PTPRS: variants seen among roughly 807,000 people sequenced by gnomAD.
PTPRS encodes receptor-type tyrosine-protein phosphatase S.
Under a neutral mutation model 215.3 loss-of-function variants are expected in PTPRS, and 63 were observed. The ratio of observed to expected loss-of-function variants is 0.29; its 90% CI spans 0.24 to 0.36. PTPRS has a LOEUF of 0.36. Ranked by LOEUF, PTPRS falls within the 10% of genes least tolerant of loss-of-function variation. The pLI, the probability that PTPRS is intolerant of heterozygous loss-of-function variation, is 1.00. For synonymous variants in PTPRS, 1,404 were observed against 1,191.4 expected, an observed-to-expected ratio of 1.18 and a Z score of -3.68; for missense variants, 2,258 against 2,825.8, an observed-to-expected ratio of 0.80 and a Z score of 4.56.
intron 24 of PTPRS, 63 bp from the exon 25 acceptor site, chr19:5,218,595 T>A: frequency 6.4e-7 from 1 of 1,560,588 alleles, no homozygotes; most frequent in South Asian, 1.1e-5. Flanking sequence ...GTGAACACAA[T>A]TCAGGCCCCA....
intron 28 of PTPRS, among the ~76,000 whole-genome samples, 178 bp from the exon 29 acceptor site, chr19:5,214,914 C>G (rs150629724): frequency 2.0e-4 from 30 of 152,382 alleles, no homozygotes; most frequent in African/African-American, 7.0e-4. Flanking sequence ...GGGGCCAGAT[C>G]GCCCTCTGTG....
At position 5,260,769 on chromosome 19, in the gene PTPRS, G is replaced by A. The variant is rs747783260; in HGVS notation, c.595+36C>T. On this transcript the variant is annotated intron_variant, in intron 7 of 37. Transcript: ENST00000262963. ...GAGGGGCTGAGTGGGCAGCAAGAGC[G>A]AGCGTGAGTGGGTGGGTGAGTGAGG... The A allele has an allele frequency of 1.7e-5, 28 of 1,612,786 alleles. 1 individual carries two copies. The East Asian group carries it at 4.5e-4, about 26-fold the overall frequency.
intron 1 of PTPRS, among the ~76,000 whole-genome samples, chr19:5,313,735 C>T (rs2049782995): frequency 6.6e-6 from 1 of 152,086 alleles, no homozygotes; most frequent in African/African-American, 2.4e-5. Flanking sequence ...TTTCTCCTTC[C>T]TGCCTCAGCG....
At chr19:5,333,492 T>C (rs1342626831) in intron 1 of PTPRS, among the ~76,000 whole-genome samples, 2 of 132,214 alleles carry the variant, frequency 1.5e-5, no homozygotes, top group East Asian at 2.0e-4. Context: ...TGAGCAACAG[T>C]GTGAGTCCTG....
chr19:5,249,353 G>A (rs1051567393), intron 9 of PTPRS, among the ~76,000 whole-genome samples: 1 of 152,024 alleles, frequency 6.6e-6, no homozygotes, highest in African/African-American at 2.4e-5. Context: ...CAAACGAAAT[G>A]GAAACAGTAA....
chr19:5,280,244 G>T (rs1274540028), intron 2 of PTPRS, among the ~76,000 whole-genome samples: 1 of 152,154 alleles, frequency 6.6e-6, no homozygotes, highest in Non-Finnish European at 1.5e-5. Context: ...CCTTAAGAAG[G>T]CCCGAGGTTC....
At chr19:5,225,700 T>C (rs1462947847) in intron 17 of PTPRS, 27 bp downstream of exon 17, 2 of 1,576,980 alleles carry the variant, frequency 1.3e-6, no homozygotes, top group Non-Finnish European at 1.7e-6. Flanking sequence ...GGGCTGTTGG[T>C]GGGTGGGAGG....
rs2043913445 is a variant in PTPRS at position 5,240,249 on chromosome 19, T to C, written c.1654A>G (p.Ser552Gly). 3.2e-6 allele frequency: 5 copies of C among 1,579,246 alleles called. No homozygotes were observed. The highest frequency in any genetic ancestry group is 4.3e-6 in the Non-Finnish European group (5 of 1,163,796). ...TLSWSPPRQE[S>G]IIKYELLFRE... ...AAGAGGAGCTCGTACTTGATGATACTCTCCTGCCGCGGGGGGCTCCAGGAC... is the reference window on the plus strand; with the variant it reads ...AAGAGGAGCTCGTACTTGATGATACCCTCCTGCCGCGGGGGGCTCCAGGAC... Residue 552 changes from serine to glycine, a missense_variant, in exon 12 of 38, where the codon AGT (serine) becomes GGT (glycine). By Grantham distance (56) the Ser-to-Gly change is moderately conservative. This residue lies in a region of PTPRS where 508 missense variants were observed against 799.4 expected (regional missense o/e 0.64). Coordinates refer to ENST00000262963, the MANE Select transcript of PTPRS (RefSeq NM_002850.4).
rs1294825019 is a variant in PTPRS at position 5,338,009 on chromosome 19, G to A, written c.-95+2655C>T. 6.6e-6 allele frequency among the ~76,000 whole-genome samples: 1 copy of A among 152,138 alleles called. No homozygotes were observed. The highest frequency in any genetic ancestry group is 1.5e-5 in the Non-Finnish European group (1 of 68,022). ...TCAGAGGCTCTCAAGGTTTCCTGGA[G>A]AGGGGGAAATCGTCCCCGGAGCTGA... On this transcript the variant is annotated intron_variant, in intron 1 of 37. Coordinates refer to ENST00000262963, the MANE Select transcript of PTPRS (RefSeq NM_002850.4). The surrounding 1 kb of genome is among the most constrained non-coding windows in gnomAD (Gnocchi z 4.2).
rs753284492 is a variant in PTPRS, at chr19:5,206,714, G to A, written c.*60C>T. On this transcript the variant is annotated 3_prime_UTR_variant, in exon 38 of 38. Transcript: ENST00000262963. ...TGGGGGTCCAGGCCTCAGGAGGTCCGCCCGGGAGGGGCAGAGGCATCCGGG... is the reference window on the plus strand; with the variant it reads ...TGGGGGTCCAGGCCTCAGGAGGTCCACCCGGGAGGGGCAGAGGCATCCGGG... 29 of 1,513,560 alleles carry A rather than the reference G, an allele frequency of 1.9e-5. No homozygotes were observed. Among genetic ancestry groups the A allele is most frequent in the African/African-American group, 5.5e-5 (4 of 72,622 alleles). 93.8% of individuals were successfully genotyped at this position (1,513,560 alleles called of 1,614,324 possible).
Position 5,257,377 on chromosome 19 carries a change from G to A in PTPRS, c.706+640C>T, listed in dbSNP as rs761574904. The A allele has an allele frequency of 7.5e-5, 34 of 455,198 alleles. No individual in the cohort carries two copies. The highest frequency in any genetic ancestry group is 3.3e-4 in the Middle Eastern group (1 of 3,062). 28.2% of individuals were successfully genotyped at this position (455,198 alleles called of 1,614,324 possible). A position where few individuals can be genotyped will look rare whatever the true frequency, so the allele number is the denominator to read the frequency against. The stretch of plus-strand genomic sequence containing the variant: ...GCTCGGTGCAACTACCGAGCCCCCC[G>A]GGTGCCTGTGCCCGCTGTGGCTCCA... On this transcript the variant is annotated intron_variant, in intron 8 of 37. Transcript: ENST00000262963. This position sits in a 1 kb window ranked among gnomAD's most constrained non-coding sequence, Gnocchi z 4.4.
intron 1 of PTPRS, among the ~76,000 whole-genome samples, chr19:5,315,932 A>AT (rs2049862930): frequency 2.7e-5 from 4 of 147,402 alleles, no homozygotes; most frequent in African/African-American, 1.0e-4. Context: ...CACCTAGTTA[A>AT]TTTTTTAAAA....
chr19:5,212,365 C>G lies in PTPRS; in HGVS notation c.4741G>C (p.Asp1581His). ...CAGTGAACCACGATGGGGCCGGCAT[C>G]TGGCGGGTTGCAGGTCTTGACTCTC... The part of the protein sequence containing the change: ...LRRVKTCNPP[D>H]AGPIVVHCSA... Residue 1581 changes from aspartate (D) to histidine (H), a missense_variant, in exon 31 of 38, where the codon GAT becomes CAT. Transcript: ENST00000262963. 6.2e-7 allele frequency: 1 copy of G among 1,611,418 alleles called. No individual in the cohort carries two copies. The highest frequency in any genetic ancestry group is 8.5e-7 in the Non-Finnish European group (1 of 1,178,832).
intron 2 of PTPRS, among the ~76,000 whole-genome samples, chr19:5,275,981 G>A (rs2047327185): frequency 6.6e-6 from 1 of 152,072 alleles, no homozygotes; most frequent in Non-Finnish European, 1.5e-5. Flanking sequence ...CTCCCAAGCT[G>A]CTGGATTTAT....
intron 5 of PTPRS, among the ~76,000 whole-genome samples, chr19:5,264,284 C>T (rs564017775): frequency 6.6e-6 from 1 of 152,174 alleles, no homozygotes; most frequent in East Asian, 1.9e-4. Flanking sequence ...CTACTCCTGC[C>T]TGTCTGGGCC....
At chr19:5,240,916 G>T (rs1312968211) in intron 11 of PTPRS, among the ~76,000 whole-genome samples, 1 of 128,820 alleles carries the variant, frequency 7.8e-6, no homozygotes, top group Non-Finnish European at 1.6e-5. Context: ...TTGAGATGGA[G>T]TCTCACTCTG....
intron 17 of PTPRS, among the ~76,000 whole-genome samples, chr19:5,225,461 A>G (rs1301769630): frequency 7.0e-6 from 1 of 143,204 alleles, no homozygotes; most frequent in African/African-American, 2.7e-5. Context: ...GAGAGGGCAA[A>G]GGGGTCAGAG....
chr19:5,214,807 C>A, intron 28 of PTPRS, 71 bp from the exon 29 acceptor site: 2 of 1,471,584 alleles, frequency 1.4e-6, no homozygotes, highest in Non-Finnish European at 1.8e-6. Flanking sequence ...TGGCCAACCA[C>A]TTCCTGGAAG....
At chr19:5,223,861 C>T (rs1463132756) in intron 17 of PTPRS, among the ~76,000 whole-genome samples, 2 of 151,804 alleles carry the variant, frequency 1.3e-5, no homozygotes, top group Non-Finnish European at 2.9e-5. Flanking sequence ...CGTGCCCAGC[C>T]TGGGGTTGTG....
Sources: allele counts gnomAD v4.1 joint callset (sites outside exome capture counted in the v4.1 genomes callset), GRCh38; gene constraint gnomAD v4.1.1; regional missense constraint gnomAD v4.1.1; non-coding constraint Gnocchi (gnomAD v3.1); transcripts MANE v1.5; gene names NCBI Gene and HGNC (gene_info 2026-07-23, HGNC 2026-07-21).